Variants in FAM120B observed in about 807,000 individuals in gnomAD.
FAM120B encodes family with sequence similarity 120 member B.
Under a neutral mutation model 96.3 loss-of-function variants are expected in FAM120B, and 83 were observed. The observed-to-expected ratio is 0.86, with a 90% CI of 0.72 to 1.03. The LOEUF is 1.03. Among genes scored for constraint, FAM120B ranks in the 50% least tolerant of loss-of-function variants. FAM120B has a pLI of 0.00. For missense variants in FAM120B, 1,027 were observed against 1,121.2 expected, an observed-to-expected ratio of 0.92 and a Z score of 1.20; for synonymous variants, 407 against 402.7, an observed-to-expected ratio of 1.01 and a Z score of -0.13.
intron 4 of FAM120B, among the ~76,000 whole-genome samples, chr6:170,344,976 G>T (rs539578723): frequency 1.3e-5 from 2 of 152,258 alleles, no homozygotes; most frequent in Admixed American, 6.5e-5. Flanking sequence ...GCAGTCCTCT[G>T]CCCTACGCTT....
chr6:170,357,980 G>A (rs759819271), intron 5 of FAM120B, among the ~76,000 whole-genome samples: 7 of 152,062 alleles, frequency 4.6e-5, no homozygotes, highest in Non-Finnish European at 8.8e-5. Flanking sequence ...CTGTGCGTGT[G>A]CCTGTGTGTA....
chr6:170,319,784 G>C (rs1785168409), intron 2 of FAM120B, among the ~76,000 whole-genome samples: 1 of 152,266 alleles, frequency 6.6e-6, no homozygotes, highest in South Asian at 2.1e-4. Context: ...AGTACTAAAG[G>C]TGTAGCGTTT....
At chr6:170,358,182 A>C (rs1159930387) in intron 5 of FAM120B, 44 bp from the exon 6 acceptor site, 1 of 1,477,562 alleles carries the variant, frequency 6.8e-7, no homozygotes, top group South Asian at 1.2e-5. Flanking sequence ...GAAATGTTTA[A>C]TTTTTCCTGT....
At chr6:170,343,088 T>A (rs1044769394) in intron 4 of FAM120B, among the ~76,000 whole-genome samples, 2 of 152,240 alleles carry the variant, frequency 1.3e-5, no homozygotes, top group African/African-American at 2.4e-5. Flanking sequence ...ACACCTGAGT[T>A]AGCCATTCTT....
At chr6:170,394,253 C>A (rs1464335029) in intron 8 of FAM120B, among the ~76,000 whole-genome samples, 4 of 152,334 alleles carry the variant, frequency 2.6e-5, no homozygotes, top group African/African-American at 7.2e-5. Flanking sequence ...GCCTTAGAGA[C>A]CACAGAGGCT....
At chr6:170,385,392 G>T (rs570116105) in intron 6 of FAM120B, among the ~76,000 whole-genome samples, 9 of 152,128 alleles carry the variant, frequency 5.9e-5, no homozygotes, top group Non-Finnish European at 7.3e-5. Flanking sequence ...GAAAATCAAT[G>T]ATCTAAGTAT....
chr6:170,328,842 G>T, intron 3 of FAM120B, among the ~76,000 whole-genome samples: 1 of 152,304 alleles, frequency 6.6e-6, no homozygotes, highest in East Asian at 1.9e-4. Context: ...ACTAAAAAGA[G>T]TGTAGAGTTT....
intron 5 of FAM120B, among the ~76,000 whole-genome samples, chr6:170,354,708 T>C (rs1048115936): frequency 6.6e-6 from 1 of 151,386 alleles, no homozygotes; most frequent in African/African-American, 2.4e-5. Context: ...CAGATCACGA[T>C]GTCAGGAGAT....
chr6:170,390,776 G>C (rs1221028266), intron 7 of FAM120B, among the ~76,000 whole-genome samples: 2 of 152,134 alleles, frequency 1.3e-5, no homozygotes, highest in African/African-American at 4.8e-5. Flanking sequence ...AAGCTGCTTG[G>C]TGTTCTTTTT....
intron 2 of FAM120B, among the ~76,000 whole-genome samples, chr6:170,319,842 GT>G (rs966627931): frequency 2.0e-5 from 3 of 152,216 alleles, no homozygotes; most frequent in Admixed American, 1.3e-4. Context: ...AGGCTAGAGC[GT>G]GGGGTTTGGA....
At chr6:170,362,650 C>CAAT (rs1200484182) in intron 6 of FAM120B, among the ~76,000 whole-genome samples, 3 of 150,934 alleles carry the variant, frequency 2.0e-5, no homozygotes, top group Non-Finnish European at 4.4e-5. Flanking sequence ...TCCCAGGGTG[C>CAAT]AATAATAATA....
intron 5 of FAM120B, 149 bp from the exon 6 acceptor site, chr6:170,358,077 C>T (rs912839989): frequency 1.5e-6 from 1 of 646,776 alleles, no homozygotes; most frequent in Non-Finnish European, 2.8e-6. Flanking sequence ...CTTGTGTGCA[C>T]ATGTGGGTGC....
chr6:170,291,609 G>C (rs1783876561), upstream of FAM120B, among the ~76,000 whole-genome samples: 1 of 152,230 alleles, frequency 6.6e-6, no homozygotes, highest in Admixed American at 6.5e-5. Context: ...AGAGCGAAGC[G>C]GCAGTTTCGG....
At chr6:170,298,923 G>A (rs1416495150) in intron 1 of FAM120B, among the ~76,000 whole-genome samples, 2 of 152,174 alleles carry the variant, frequency 1.3e-5, no homozygotes. Context: ...GAGCTGGTGG[G>A]CTAGGGCAAG....
At chr6:170,361,904 A>G (rs1788485160) in intron 6 of FAM120B, among the ~76,000 whole-genome samples, 1 of 152,082 alleles carries the variant, frequency 6.6e-6, no homozygotes, top group Non-Finnish European at 1.5e-5. Flanking sequence ...ACTGATTCTC[A>G]TGCCTCAGCC....
chr6:170,365,598 G>A (rs144985719), intron 6 of FAM120B, among the ~76,000 whole-genome samples: 3 of 152,316 alleles, frequency 2.0e-5, no homozygotes, highest in East Asian at 1.9e-4. Flanking sequence ...TTTTCTGTTC[G>A]TGAACTAGAT....
chr6:170,305,626 G>A (rs763123134), upstream of FAM120B, among the ~76,000 whole-genome samples: 1 of 152,206 alleles, frequency 6.6e-6, no homozygotes, highest in Non-Finnish European at 1.5e-5. Flanking sequence ...CTGTGTGTAA[G>A]GATAGGTTTG....
chr6:170,367,103 G>A (rs1407698300), intron 6 of FAM120B, among the ~76,000 whole-genome samples: 23 of 151,912 alleles, frequency 1.5e-4, no homozygotes, highest in Admixed American at 1.5e-3. Flanking sequence ...TTTCTTTTTA[G>A]GTTAGCTATA....
chr6:170,299,315 A>G (rs1296656076), intron 1 of FAM120B, among the ~76,000 whole-genome samples: 2 of 152,200 alleles, frequency 1.3e-5, no homozygotes, highest in Admixed American at 6.5e-5. Context: ...TTTCTTATCT[A>G]AAGTTGTTCA....
Sources: allele counts gnomAD v4.1 joint callset (sites outside exome capture counted in the v4.1 genomes callset), GRCh38; gene constraint gnomAD v4.1.1; transcripts MANE v1.5; gene names NCBI Gene and HGNC (gene_info 2026-07-23, HGNC 2026-07-21).